The following CLVS1 variants were observed in gnomAD, a reference collection of about 807,000 sequenced individuals.
CLVS1 encodes the protein clavesin 1.
CLVS1 carries 10 observed loss-of-function variants against 33.1 expected under a neutral mutation model. The observed-to-expected ratio is 0.30, with a 90% CI of 0.19 to 0.51. The LOEUF (loss-of-function observed/expected upper bound fraction) is 0.51. Among genes scored for constraint, CLVS1 ranks in the 20% least tolerant of loss-of-function variants. The probability of loss-of-function intolerance (pLI) is 0.97; values close to 1 mark genes in which losing one functional copy is unlikely to be tolerated. For synonymous variants in CLVS1, 163 were observed against 166.1 expected (o/e 0.98, Z 0.14); for missense variants, 343 against 433.4 (o/e 0.79, Z 1.85).
intron 2 of CLVS1, among the ~76,000 whole-genome samples, chr8:61,279,652 A>G (rs1246231950): frequency 1.3e-5 from 2 of 152,198 alleles, no homozygotes; most frequent in Non-Finnish European, 2.9e-5. Flanking sequence ...GGCCAGAAGG[A>G]TGTAAACTTG....
intron 2 of CLVS1, among the ~76,000 whole-genome samples, chr8:61,301,281 A>T (rs1412615145): frequency 1.3e-5 from 2 of 152,174 alleles, no homozygotes; most frequent in Non-Finnish European, 2.9e-5. Context: ...TTGAACAGTT[A>T]AGCTTTTTAA....
intron 3 of CLVS1, among the ~76,000 whole-genome samples, chr8:61,435,061 G>C (rs1402456337): frequency 6.6e-6 from 1 of 152,154 alleles, no homozygotes; most frequent in Admixed American, 6.5e-5. Flanking sequence ...GAGAATGTAT[G>C]GTTTGTAGGG....
the CLVS1 span, among the ~76,000 whole-genome samples, chr8:61,039,761 A>C: frequency 6.6e-6 from 1 of 152,180 alleles, no homozygotes; most frequent in Non-Finnish European, 1.5e-5. Flanking sequence ...GCTGATTTTG[A>C]ATTCCTGGGC....
chr8:61,189,640 G>A (rs1405508779), intron 2 of CLVS1, among the ~76,000 whole-genome samples: 2 of 152,136 alleles, frequency 1.3e-5, no homozygotes. Context: ...CTCATGTGCA[G>A]AGACACACAT....
intron 2 of CLVS1, among the ~76,000 whole-genome samples, chr8:61,141,417 A>G (rs1806306290): frequency 6.6e-6 from 1 of 152,262 alleles, no homozygotes; most frequent in Middle Eastern, 3.4e-3. Flanking sequence ...ACACACACAT[A>G]TTTATTTCTA....
intron 1 of CLVS1, among the ~76,000 whole-genome samples, chr8:61,077,220 C>T (rs1306287736): frequency 2.0e-5 from 3 of 149,242 alleles, no homozygotes; most frequent in Admixed American, 6.7e-5. Context: ...ACTACAGGCG[C>T]CTGCCACCAC....
At chr8:61,257,278 T>A (rs1430287037) in intron 2 of CLVS1, among the ~76,000 whole-genome samples, 1 of 152,224 alleles carries the variant, frequency 6.6e-6, no homozygotes, top group East Asian at 1.9e-4. Flanking sequence ...TGCTGTTCTG[T>A]CACCCATTAA....
the CLVS1 span, among the ~76,000 whole-genome samples, chr8:61,015,639 A>G: frequency 1.3e-5 from 2 of 152,210 alleles, no homozygotes. Context: ...GTGGGAGAAA[A>G]GTGAGTCAAA....
intron 2 of CLVS1, among the ~76,000 whole-genome samples, chr8:61,373,168 C>T (rs773072494): frequency 3.9e-5 from 6 of 152,044 alleles, no homozygotes; most frequent in South Asian, 2.1e-4. Flanking sequence ...AGGAAAACAA[C>T]GAGGAAATTC....
intron 3 of CLVS1, among the ~76,000 whole-genome samples, chr8:61,387,576 T>G (rs1359122863): frequency 6.9e-6 from 1 of 145,838 alleles, no homozygotes; most frequent in Non-Finnish European, 1.5e-5. Context: ...GGTGCACCCA[T>G]CACCCGAGCA....
At chr8:61,325,314 C>G (rs1811345334) in intron 2 of CLVS1, among the ~76,000 whole-genome samples, 1 of 152,054 alleles carries the variant, frequency 6.6e-6, no homozygotes, top group Non-Finnish European at 1.5e-5. Flanking sequence ...ATCAAATTAT[C>G]ATCTGTACAC....
In CLVS1 at chr8:61,352,564, A is replaced by G. The variant is rs573540638; in HGVS notation, c.456-24041A>G. Among the ~76,000 whole-genome samples, 3 of 152,154 alleles carry G rather than the reference A, an allele frequency of 2.0e-5. No homozygotes were observed. In the South Asian group the frequency reaches 6.2e-4, roughly 31 times the overall value. On this transcript the variant is annotated intron_variant, in intron 2 of 5. Transcript: ENST00000325897. ...TCATTAACGTAGACTGAAAGTAAAAAGATATATCATGCAAAGATGGATTTA... is the reference window on the plus strand; with the variant it reads ...TCATTAACGTAGACTGAAAGTAAAAGGATATATCATGCAAAGATGGATTTA...
At chr8:61,472,018 G>A (rs1340616255) in intron 5 of CLVS1, among the ~76,000 whole-genome samples, 2 of 152,098 alleles carry the variant, frequency 1.3e-5, no homozygotes, top group African/African-American at 2.4e-5. Flanking sequence ...GGACAGCCCT[G>A]CTCCAGCATG....
the CLVS1 span, among the ~76,000 whole-genome samples, chr8:61,020,390 G>T: frequency 4.5e-3 from 682 of 152,314 alleles, 1 homozygote; most frequent in Non-Finnish European, 7.0e-3. Context: ...ATAATGATCA[G>T]CAATAGGCTG....
intron 2 of CLVS1, among the ~76,000 whole-genome samples, chr8:61,280,283 A>C (rs1194026304): frequency 1.3e-5 from 2 of 152,216 alleles, no homozygotes; most frequent in Admixed American, 6.5e-5. Flanking sequence ...GGTAAGTTTT[A>C]TGAGAAGAAG....
chr8:61,463,960 C>G (rs183133311), intron 5 of CLVS1, among the ~76,000 whole-genome samples: 4 of 151,808 alleles, frequency 2.6e-5, no homozygotes, highest in Admixed American at 2.6e-4. Flanking sequence ...ATAGTCCTAG[C>G]TACTCAGGAG....
intron 1 of CLVS1, among the ~76,000 whole-genome samples, chr8:61,116,909 A>C (rs937497272): frequency 4.1e-5 from 6 of 146,374 alleles, no homozygotes; most frequent in Admixed American, 2.0e-4. Context: ...TCTGTGAAGA[A>C]AGGCATTGGT....
chr8:60,972,767 A>G, the CLVS1 span, among the ~76,000 whole-genome samples: 1 of 152,216 alleles, frequency 6.6e-6, no homozygotes, highest in Non-Finnish European at 1.5e-5. Context: ...CCTCTTCACT[A>G]GCCCCATGCC....
intron 2 of CLVS1, among the ~76,000 whole-genome samples, chr8:61,189,201 A>T (rs532103989): frequency 9.2e-5 from 14 of 152,240 alleles, no homozygotes; most frequent in Non-Finnish European, 1.9e-4. Context: ...AAGCCAGAAG[A>T]GAGTGGGGGC....
Sources: allele counts gnomAD v4.1 joint callset (sites outside exome capture counted in the v4.1 genomes callset), GRCh38; gene constraint gnomAD v4.1.1; transcripts MANE v1.5; gene names NCBI Gene and HGNC (gene_info 2026-07-23, HGNC 2026-07-21).